Variants in DIP2C observed in about 807,000 individuals in gnomAD.
DIP2C encodes the protein DIP2 acetate--CoA ligase C (putative), also known as disco-interacting protein 2 homolog C.
In DIP2C, 33 loss-of-function variants were observed where a neutral mutation model predicts 192.4. The ratio of observed to expected loss-of-function variants is 0.17; its 90% CI spans 0.13 to 0.23. DIP2C has a LOEUF of 0.23. Ranked by LOEUF, DIP2C falls within the 10% of genes least tolerant of loss-of-function variation. DIP2C has a pLI of 1.00. For missense variants in DIP2C, 1,537 were observed against 2,110.1 expected, an observed-to-expected ratio of 0.73 and a Z score of 5.32; for synonymous variants, 979 against 864.1, an observed-to-expected ratio of 1.13 and a Z score of -2.33.
chr10:568,510 G>GT (rs1176522661), intron 1 of DIP2C, among the ~76,000 whole-genome samples: 2 of 152,048 alleles, frequency 1.3e-5, no homozygotes, highest in Non-Finnish European at 2.9e-5. Flanking sequence ...GCTCACGCCT[G>GT]TAATCCCAGC....
At chr10:341,094 G>A (rs1237176642) in intron 29 of DIP2C, 105 bp downstream of exon 29, 2 of 1,503,394 alleles carry the variant, frequency 1.3e-6, no homozygotes, top group African/African-American at 1.4e-5. Context: ...CCTCTGGCAG[G>A]AGTGGGGGTG....
Position 357,815 on chromosome 10 carries a change from A to T in DIP2C, c.2904+13T>A, listed in dbSNP as rs1279352190. 5 of 1,604,264 alleles carry T rather than the reference A, an allele frequency of 3.1e-6. No homozygotes were observed. In the African/African-American group the frequency reaches 6.7e-5, roughly 21 times the overall value. On this transcript the variant is annotated intron_variant, in intron 23 of 36. Coordinates refer to ENST00000280886, the MANE Select transcript of DIP2C (RefSeq NM_014974.3). ...CGGGGACGGTCGGGGAGACTCAGGGACCCAGCTCCTACCTTGCGTGCCTGG... is the reference window on the plus strand; with the variant it reads ...CGGGGACGGTCGGGGAGACTCAGGGTCCCAGCTCCTACCTTGCGTGCCTGG...
At chr10:576,664 T>G (rs765743440) in intron 1 of DIP2C, among the ~76,000 whole-genome samples, 5 of 152,086 alleles carry the variant, frequency 3.3e-5, no homozygotes, top group Admixed American at 6.6e-5. Context: ...ATCCCAGCAC[T>G]TTAGGAAGGT....
intron 2 of DIP2C, among the ~76,000 whole-genome samples, chr10:481,289 A>G (rs1843589957): frequency 6.6e-6 from 1 of 152,218 alleles, no homozygotes; most frequent in Non-Finnish European, 1.5e-5. Flanking sequence ...AAACTTTCTC[A>G]TTCCGTATGT....
Position 283,452 on chromosome 10 carries a change from A to C in DIP2C, c.4120-6T>G. On this transcript the variant is annotated splice_polypyrimidine_tract_variant and splice_region_variant and intron_variant, in intron 34 of 36. Coordinates refer to ENST00000280886, the MANE Select transcript of DIP2C (RefSeq NM_014974.3). ...TGGGCACTGTGAACCCAAATCTGCA[A>C]ACGGAGGGAAATGTCACTGTGGATG... 6.2e-7 allele frequency: 1 copy of C among 1,613,884 alleles called. No homozygotes were observed. The highest frequency in any genetic ancestry group is 2.2e-5 in the East Asian group (1 of 44,894).
chr10:374,180 C>T (rs1961308748), intron 17 of DIP2C, among the ~76,000 whole-genome samples: 1 of 152,128 alleles, frequency 6.6e-6, no homozygotes, highest in South Asian at 2.1e-4. Flanking sequence ...TTTAGTAATA[C>T]AAATATAAGA....
At chr10:554,740 G>A (rs1219946431) in intron 1 of DIP2C, among the ~76,000 whole-genome samples, 8 of 152,308 alleles carry the variant, frequency 5.3e-5, no homozygotes, top group African/African-American at 1.7e-4. Flanking sequence ...TACAGCCTGG[G>A]GAGCAATCAC....
At chr10:425,783 G>A (rs966933600) in intron 4 of DIP2C, among the ~76,000 whole-genome samples, 23 of 152,210 alleles carry the variant, frequency 1.5e-4, no homozygotes, top group Admixed American at 3.3e-4. Flanking sequence ...GAGTAGAACC[G>A]CATGTTAACC....
chr10:632,808 ACGCGGGCACCGG>A (rs1257504251), intron 1 of DIP2C, among the ~76,000 whole-genome samples: 4 of 108,622 alleles, frequency 3.7e-5, no homozygotes, highest in Non-Finnish European at 7.4e-5. Flanking sequence ...ACTGGAGACC[ACGCGGGCACCGG>A]TGTGAACCCA....
intron 1 of DIP2C, among the ~76,000 whole-genome samples, chr10:491,683 G>A (rs754032372): frequency 4.5e-4 from 68 of 152,214 alleles, no homozygotes; most frequent in Non-Finnish European, 7.3e-4. Context: ...ACTTGCTGCC[G>A]CAGATGGAGA....
intron 1 of DIP2C, among the ~76,000 whole-genome samples, chr10:598,874 T>C (rs1851882281): frequency 1.3e-5 from 2 of 152,216 alleles, no homozygotes; most frequent in Non-Finnish European, 2.9e-5. Context: ...GAAACATCAC[T>C]AGCAGAATAG....
chr10:320,943 G>A (rs1275665347), intron 31 of DIP2C, among the ~76,000 whole-genome samples: 1 of 152,194 alleles, frequency 6.6e-6, no homozygotes, highest in African/African-American at 2.4e-5. Context: ...AGGCCCCATG[G>A]AGGGGACCCG....
At chr10:486,620 T>G in intron 1 of DIP2C, 90 bp from the exon 2 acceptor site, 1 of 1,092,294 alleles carries the variant, frequency 9.2e-7, no homozygotes, top group Non-Finnish European at 1.3e-6. Flanking sequence ...GTTATCACAG[T>G]ATCTTCTGTG....
Position 277,385 on chromosome 10 carries a change from G to A in DIP2C, c.4611C>T (p.His1537=), listed in dbSNP as rs941332419. ...GGTCTGCCAAAAACCCGTCTCGCAGGTGCATGCGCTGCTTCTCCCCACGGG... is the reference window on the plus strand; with the variant it reads ...GGTCTGCCAAAAACCCGTCTCGCAGATGCATGCGCTGCTTCTCCCCACGGG... ...INSRGEKQRM[H]LRDGFLADQL... Residue 1537 remains histidine, a synonymous_variant, in exon 37 of 37, where the codon CAC becomes CAT. Transcript: ENST00000280886. The A allele has an allele frequency of 3.1e-6, 5 of 1,614,112 alleles. No homozygotes were observed. The East Asian group carries it at 6.7e-5, about 22-fold the overall frequency.
chr10:434,203 C>T (rs986638286), intron 4 of DIP2C, among the ~76,000 whole-genome samples: 1 of 152,116 alleles, frequency 6.6e-6, no homozygotes, highest in Admixed American at 6.5e-5. Context: ...AATACACTGT[C>T]GCTATTATGA....
intron 1 of DIP2C, among the ~76,000 whole-genome samples, chr10:502,949 G>A (rs948570500): frequency 2.0e-5 from 3 of 151,920 alleles, no homozygotes; most frequent in African/African-American, 7.3e-5. Context: ...ACTGACCTGC[G>A]GACTTACCAC....
rs751521692 is a variant in DIP2C, at chr10:390,357, C to T, written c.1401G>A (p.Leu467=). 5.6e-6 allele frequency: 9 copies of T among 1,613,904 alleles called. No homozygotes were observed. The highest frequency in any genetic ancestry group is 1.3e-5 in the African/African-American group (1 of 74,958). The change falls in exon 12 of 37, where the codon CTG becomes CTA. Residue 467 remains leucine, a synonymous_variant. Transcript: ENST00000280886. ...GATGTTTAGACTCTGTGACAAACCA[C>T]AGCAGCTTTGGCCAACCTTGGAAAT... The part of the protein sequence containing the change: ...IPQFKGWPKL[L]WFVTESKHLS...
rs941960324 is a variant in DIP2C, at chr10:390,870, G to C, written c.1261-7C>G. ...TCTGCTGGCTCCCTGCGTCCTGAGA[G>C]GGCAACAGAGAGGAGTTGAGAATCC... On this transcript the variant is annotated splice_polypyrimidine_tract_variant and splice_region_variant and intron_variant, in intron 10 of 36. Transcript: ENST00000280886. The C allele has an allele frequency of 1.2e-6, 2 of 1,613,618 alleles. No homozygotes were observed. The highest frequency in any genetic ancestry group is 3.3e-5 in the Admixed American group (2 of 59,938).
At chr10:557,787 G>GGGGGCA (rs1280616865) in intron 1 of DIP2C, among the ~76,000 whole-genome samples, 2 of 79,976 alleles carry the variant, frequency 2.5e-5, no homozygotes, top group Non-Finnish European at 5.1e-5. Context: ...GGGAGGGGGC[G>GGGGGCA]GGGGCAGGGG....
Sources: gnomAD v4.1 joint callset for allele counts (sites outside exome capture counted in the v4.1 genomes callset) on GRCh38, gnomAD v4.1.1 for gene constraint, MANE v1.5 for transcripts, NCBI Gene and HGNC (gene_info 2026-07-23, HGNC 2026-07-21) for gene names.